CNTNAP2: variants seen among roughly 807,000 people sequenced by gnomAD.
CNTNAP2 encodes contactin associated protein 2.
In CNTNAP2, 98 loss-of-function variants were observed where a neutral mutation model predicts 155.2. The observed-to-expected ratio is 0.63, with a 90% CI of 0.54 to 0.75. CNTNAP2 has a LOEUF of 0.75. Ranked by LOEUF, CNTNAP2 falls within the 30% of genes least tolerant of loss-of-function variation. CNTNAP2 has a pLI of 0.00. For synonymous variants in CNTNAP2, 651 were observed against 631.2 expected (o/e 1.03, Z -0.47); for missense variants, 1,727 against 1,688.1 (o/e 1.02, Z -0.40).
chr7:146,985,235 A>T (rs1235387063), intron 3 of CNTNAP2, among the ~76,000 whole-genome samples: 1 of 152,152 alleles, frequency 6.6e-6, no homozygotes, highest in Non-Finnish European at 1.5e-5. Flanking sequence ...ACATCAAAAA[A>T]AATATTAATG....
intron 1 of CNTNAP2, among the ~76,000 whole-genome samples, chr7:146,214,973 G>A (rs1799091453): frequency 1.3e-5 from 2 of 152,030 alleles, no homozygotes; most frequent in African/African-American, 2.4e-5. Flanking sequence ...AACATACCCT[G>A]GAACATTTGG....
At chr7:147,997,618 T>G (rs765941608) in intron 15 of CNTNAP2, among the ~76,000 whole-genome samples, 1 of 151,782 alleles carries the variant, frequency 6.6e-6, no homozygotes, top group Non-Finnish European at 1.5e-5. Flanking sequence ...CATAATTTAT[T>G]GCAAAAGAAA....
In CNTNAP2 at chr7:146,425,416, A is replaced by T. The variant is rs1011297684; in HGVS notation, c.97+308443A>T. Among the ~76,000 whole-genome samples the T allele has an allele frequency of 4.5e-4, 68 of 152,212 alleles. 4 individuals are homozygous for T. The highest frequency in any genetic ancestry group is 2.9e-5 in the Non-Finnish European group (2 of 68,038). ...TCTTAAAAACCCCTTTCCAATAAAAACAAAGAATTGGCAAGCAGCCATTTT... is the reference window on the plus strand; with the variant it reads ...TCTTAAAAACCCCTTTCCAATAAAATCAAAGAATTGGCAAGCAGCCATTTT... On this transcript the variant is annotated intron_variant, in intron 1 of 23. Transcript: ENST00000361727.
chr7:146,614,437 C>A (rs113308832), intron 1 of CNTNAP2, among the ~76,000 whole-genome samples: 8 of 152,160 alleles, frequency 5.3e-5, no homozygotes, highest in African/African-American at 1.9e-4. Flanking sequence ...TAACATGTGT[C>A]CACCTTGAAT....
rs1167364068 is a variant in CNTNAP2, at chr7:146,871,628, TAAC to T, written c.402+31727_402+31729del. Among the ~76,000 whole-genome samples, 10 of 152,110 alleles carry T rather than the reference TAAC, an allele frequency of 6.6e-5. 1 individual carries two copies. Among genetic ancestry groups the T allele is most frequent in the African/African-American group, 2.2e-4 (9 of 41,544 alleles). On this transcript the variant is annotated intron_variant, in intron 3 of 23. Coordinates refer to ENST00000361727, the MANE Select transcript of CNTNAP2 (RefSeq NM_014141.6). ...TAGGCTAGAAAGAGTAAATTACAAA[TAAC>T]AAAAATTACTATATTTAACAATTAT...
chr7:146,435,778 C>T (rs1796234789), intron 1 of CNTNAP2, among the ~76,000 whole-genome samples: 2 of 152,188 alleles, frequency 1.3e-5, no homozygotes, highest in South Asian at 2.1e-4. Context: ...TTGTAGGAGT[C>T]GTTCCTCTCC....
chr7:147,772,122 G>T (rs1797479665), intron 13 of CNTNAP2, among the ~76,000 whole-genome samples: 1 of 151,866 alleles, frequency 6.6e-6, no homozygotes, highest in South Asian at 2.1e-4. Context: ...GTAATTGTAT[G>T]CTTTTAAAAT....
chr7:146,501,747 G>A (rs1472253421), intron 1 of CNTNAP2, among the ~76,000 whole-genome samples: 2 of 152,152 alleles, frequency 1.3e-5, no homozygotes, highest in East Asian at 3.9e-4. Context: ...GATTATGAAT[G>A]AGATTATCCT....
chr7:148,418,587 T>C lies in CNTNAP2; in HGVS notation c.*2971T>C, dbSNP rs1800046409. 6.6e-6 allele frequency: 1 copy of C among 152,238 alleles called. No individual in the cohort carries two copies. The highest frequency in any genetic ancestry group is 1.5e-5 in the Non-Finnish European group (1 of 68,044). 9.4% of individuals were successfully genotyped at this position (152,238 alleles called of 1,614,324 possible). A position where few individuals can be genotyped will look rare whatever the true frequency, so the allele number is the denominator to read the frequency against. ...TGACTTTGAATGAATGCAAGGTTAG[T>C]GAGATCCTAAGCTCTCAAAATAGCA... On this transcript the variant is annotated 3_prime_UTR_variant, in exon 24 of 24. Coordinates refer to ENST00000361727, the MANE Select transcript of CNTNAP2 (RefSeq NM_014141.6).
chr7:147,213,345 T>C (rs1325555538), intron 8 of CNTNAP2, among the ~76,000 whole-genome samples: 1 of 152,120 alleles, frequency 6.6e-6, no homozygotes, highest in Non-Finnish European at 1.5e-5. Flanking sequence ...AGTTTGCTGA[T>C]TCAAATAATA....
intron 12 of CNTNAP2, among the ~76,000 whole-genome samples, chr7:147,633,673 G>T (rs1482694649): frequency 6.6e-6 from 1 of 152,118 alleles, no homozygotes; most frequent in Non-Finnish European, 1.5e-5. Flanking sequence ...ACATCTTGTT[G>T]TTGTGATAAT....
chr7:146,519,636 CT>C (rs891706385), intron 1 of CNTNAP2, among the ~76,000 whole-genome samples: 3 of 151,768 alleles, frequency 2.0e-5, no homozygotes, highest in Non-Finnish European at 4.4e-5. Flanking sequence ...CTGATGTTGA[CT>C]TTCAGAAGTG....
chr7:147,536,783 T>A (rs573169647), intron 11 of CNTNAP2, among the ~76,000 whole-genome samples: 23 of 152,286 alleles, frequency 1.5e-4, no homozygotes, highest in African/African-American at 4.8e-4. Flanking sequence ...ATGCAATCAC[T>A]TTCTTTTTCA....
At chr7:147,717,307 C>T (rs2373177) in intron 13 of CNTNAP2, among the ~76,000 whole-genome samples, 104,352 of 151,960 alleles carry the variant, frequency 0.69, 36,152 homozygotes, top group Middle Eastern at 0.82. Flanking sequence ...ATTCCCGAGG[C>T]GCAGCATTGT....
At chr7:147,958,749 C>T (rs1801066956) in intron 14 of CNTNAP2, among the ~76,000 whole-genome samples, 1 of 152,154 alleles carries the variant, frequency 6.6e-6, no homozygotes, top group Admixed American at 6.6e-5. Context: ...TTATAGGAGT[C>T]AGACGTATAT....
intron 13 of CNTNAP2, among the ~76,000 whole-genome samples, chr7:147,647,463 G>A (rs993742724): frequency 6.6e-6 from 1 of 152,108 alleles, no homozygotes; most frequent in Non-Finnish European, 1.5e-5. Flanking sequence ...GCTTCCTTAT[G>A]AAACTTTCTA....
At chr7:146,416,797 A>T (rs1795944097) in intron 1 of CNTNAP2, among the ~76,000 whole-genome samples, 1 of 152,042 alleles carries the variant, frequency 6.6e-6, no homozygotes, top group Non-Finnish European at 1.5e-5. Flanking sequence ...TTCTGATCAC[A>T]TTTCATTTAC....
At chr7:147,577,170 C>G (rs41354149) in intron 12 of CNTNAP2, among the ~76,000 whole-genome samples, 85,824 of 151,848 alleles carry the variant, frequency 0.57, 24,890 homozygotes, top group East Asian at 0.73. Flanking sequence ...GTTTTACTAA[C>G]AGTGTCACTG....
Position 146,322,673 on chromosome 7 carries a change from ACACT to A in CNTNAP2, c.97+205703_97+205706del, listed in dbSNP as rs566410487. 7.1e-4 allele frequency among the ~76,000 whole-genome samples: 79 copies of A among 110,584 alleles called. 1 individual carries two copies. Among genetic ancestry groups the A allele is most frequent in the African/African-American group, 2.2e-3 (63 of 28,016 alleles). The allele number at this position is 110,584 out of a possible 152,430, so 72.5% of individuals were successfully genotyped here. A position where few individuals can be genotyped will look rare whatever the true frequency, so the allele number is the denominator to read the frequency against. On this transcript the variant is annotated intron_variant, in intron 1 of 23. Coordinates refer to ENST00000361727, the MANE Select transcript of CNTNAP2 (RefSeq NM_014141.6). The stretch of plus-strand genomic sequence containing the variant: ...TTTTTGCTGGCTATGACGGTAACTG[ACACT>A]CAGTAGGTCTTCCCTCAATATTTGT...
Sources: gnomAD v4.1 joint callset for allele counts (sites outside exome capture counted in the v4.1 genomes callset) on GRCh38, gnomAD v4.1.1 for gene constraint, MANE v1.5 for transcripts, NCBI Gene and HGNC (gene_info 2026-07-23, HGNC 2026-07-21) for gene names.